MAPRE1: variants seen among roughly 807,000 people sequenced by gnomAD.
MAPRE1 encodes microtubule-associated protein RP/EB family member 1.
A neutral mutation model predicts 32.1 loss-of-function variants in MAPRE1; 5 were observed. The ratio of observed to expected loss-of-function variants is 0.16; its 90% confidence interval spans 0.08 to 0.33. The LOEUF (loss-of-function observed/expected upper bound fraction) is 0.33. Among genes scored for constraint, MAPRE1 ranks in the 10% least tolerant of loss-of-function variants. The probability of loss-of-function intolerance (pLI) is 1.00; values close to 1 mark genes in which losing one functional copy is unlikely to be tolerated. For missense variants in MAPRE1, 209 were observed against 327.2 expected (o/e 0.64, Z 2.79); for synonymous variants, 122 against 118.9 (o/e 1.03, Z -0.17).
At chr20:32,826,586 G>A (rs559981451) in intron 2 of MAPRE1, among the ~76,000 whole-genome samples, 1 of 141,000 alleles carries the variant, frequency 7.1e-6, no homozygotes, top group South Asian at 2.3e-4. Context: ...GAGTGCAGTG[G>A]TGCAGTCTTG....
chr20:32,836,605 T>G (rs775299849), intron 3 of MAPRE1, 29 bp from the exon 4 acceptor site: 5 of 1,378,760 alleles, frequency 3.6e-6, no homozygotes, highest in East Asian at 2.3e-5. Flanking sequence ...GCCTCTTTTT[T>G]GGGGCTAAAC....
intron 2 of MAPRE1, among the ~76,000 whole-genome samples, chr20:32,831,725 G>A (rs1983032369): frequency 6.6e-6 from 1 of 151,758 alleles, no homozygotes; most frequent in East Asian, 1.9e-4. Context: ...AATAGAGACG[G>A]GATTTCATCA....
At chr20:32,845,040 A>T (rs539390609) in intron 5 of MAPRE1, among the ~76,000 whole-genome samples, 18 of 150,280 alleles carry the variant, frequency 1.2e-4, no homozygotes, top group South Asian at 8.4e-4. Flanking sequence ...TGTATGAATG[A>T]ATGAATGAAT....
intron 1 of MAPRE1, among the ~76,000 whole-genome samples, chr20:32,825,456 T>G (rs1982818545): frequency 6.6e-6 from 1 of 152,158 alleles, no homozygotes; most frequent in Non-Finnish European, 1.5e-5. Flanking sequence ...GGAATCTTAG[T>G]GTCTCTCGTT....
At chr20:32,833,979 CT>C (rs1983112617) in intron 3 of MAPRE1, 117 bp downstream of exon 3, 1 of 1,029,452 alleles carries the variant, frequency 9.7e-7, no homozygotes, top group Non-Finnish European at 1.4e-6. Flanking sequence ...ATCTAGTTAA[CT>C]TTTCTCAGTT....
chr20:32,844,989 C>CTGTATGTATGTATGTATGTA (rs35343459), intron 5 of MAPRE1, among the ~76,000 whole-genome samples: 1 of 150,310 alleles, frequency 6.7e-6, no homozygotes, highest in Non-Finnish European at 1.5e-5. Flanking sequence ...AGTAGCTGTA[C>CTGTATGTATGTATGTATGTA]TGTATGTATG....
chr20:32,826,978 A>G (rs1282755317), intron 2 of MAPRE1, among the ~76,000 whole-genome samples: 1 of 152,198 alleles, frequency 6.6e-6, no homozygotes, highest in Non-Finnish European at 1.5e-5. Flanking sequence ...TGTATTAACT[A>G]CTGTCTGCTG....
intron 5 of MAPRE1, among the ~76,000 whole-genome samples, chr20:32,842,692 C>T (rs984045593): frequency 1.4e-4 from 21 of 152,188 alleles, no homozygotes; most frequent in African/African-American, 5.1e-4. Flanking sequence ...TGCTGCTAAG[C>T]GTTGATGAGA....
chr20:32,826,192 T>C, intron 2 of MAPRE1, 144 bp downstream of exon 2: 2 of 627,188 alleles, frequency 3.2e-6, no homozygotes, highest in South Asian at 3.7e-5. Context: ...CAGCCCTGCC[T>C]TTGCTTCTGC....
chr20:32,827,055 TATC>T (rs1341182552), intron 2 of MAPRE1, among the ~76,000 whole-genome samples: 4 of 152,328 alleles, frequency 2.6e-5, no homozygotes, highest in African/African-American at 9.6e-5. Flanking sequence ...GTCTAGCAAA[TATC>T]ATTTCAGCCA....
chr20:32,821,764 C>T lies in MAPRE1; in HGVS notation c.-4+1736C>T, dbSNP rs557042101. Among the ~76,000 whole-genome samples the T allele has an allele frequency of 3.3e-5, 5 of 152,288 alleles. No individual in the cohort carries two copies. In the East Asian group the frequency reaches 9.6e-4, roughly 29 times the overall value. ...GTGGTGCCTTGAAAGTAATAGAGTGCTTTAGAGCCAGCGTTGAATTTGTAT... is the reference window on the plus strand; with the variant it reads ...GTGGTGCCTTGAAAGTAATAGAGTGTTTTAGAGCCAGCGTTGAATTTGTAT... On this transcript the variant is annotated intron_variant, in intron 1 of 6. Coordinates refer to ENST00000375571, the MANE Select transcript of MAPRE1 (RefSeq NM_012325.3).
intron 2 of MAPRE1, 40 bp downstream of exon 2, chr20:32,826,088 G>A (rs774267977): frequency 2.1e-5 from 32 of 1,543,140 alleles, no homozygotes; most frequent in Non-Finnish European, 2.7e-5. Flanking sequence ...AGGAAAGCCT[G>A]TAGGTTTTTC....
intron 2 of MAPRE1, among the ~76,000 whole-genome samples, chr20:32,829,114 G>A (rs1035908547): frequency 2.0e-5 from 3 of 152,008 alleles, no homozygotes; most frequent in Non-Finnish European, 4.4e-5. Context: ...GGGTTTCACC[G>A]TGGTGGTCAG....
intron 2 of MAPRE1, among the ~76,000 whole-genome samples, chr20:32,830,653 T>C (rs939827338): frequency 2.6e-5 from 4 of 152,306 alleles, no homozygotes; most frequent in Admixed American, 1.3e-4. Flanking sequence ...CCACCTTCCC[T>C]TTTGTTATAT....
At chr20:32,827,219 G>A (rs1982878710) in intron 2 of MAPRE1, among the ~76,000 whole-genome samples, 1 of 151,582 alleles carries the variant, frequency 6.6e-6, no homozygotes, top group African/African-American at 2.4e-5. Context: ...CAGCTTGGCC[G>A]ACATGGTGAA....
intron 5 of MAPRE1, among the ~76,000 whole-genome samples, chr20:32,844,416 A>G (rs1030879799): frequency 9.8e-5 from 13 of 132,934 alleles, no homozygotes; most frequent in Admixed American, 3.1e-4. Flanking sequence ...TAGTGAAACT[A>G]GGTGGATACC....
At position 32,846,086 on chromosome 20, in the gene MAPRE1, A is replaced by T. The variant is rs187473152; in HGVS notation, c.598-532A>T. On this transcript the variant is annotated intron_variant, in intron 5 of 6. Coordinates refer to ENST00000375571, the MANE Select transcript of MAPRE1 (RefSeq NM_012325.3). Reference sequence around the variant, plus strand: ...TATAACTTTTATTGGTCTTGGCTAGATAGAGTCCTGGCCTAAGGACTGAGA... The same window carrying T: ...TATAACTTTTATTGGTCTTGGCTAGTTAGAGTCCTGGCCTAAGGACTGAGA... Among the ~76,000 whole-genome samples the T allele has an allele frequency of 8.5e-5, 13 of 152,318 alleles. No individual in the cohort carries two copies. The East Asian group carries it at 2.3e-3, about 27-fold the overall frequency.
At chr20:32,824,780 A>G (rs750013941) in intron 1 of MAPRE1, among the ~76,000 whole-genome samples, 1 of 150,454 alleles carries the variant, frequency 6.6e-6, no homozygotes, top group Non-Finnish European at 1.5e-5. Context: ...TATTACAGGC[A>G]TGTGCCAGTG....
intron 2 of MAPRE1, 104 bp downstream of exon 2, chr20:32,826,152 C>T (rs6141350): frequency 9.8e-7 from 1 of 1,025,602 alleles, no homozygotes; most frequent in Non-Finnish European, 1.4e-6. Flanking sequence ...GGTTCAGGGT[C>T]TTTGTTAGGG....
Sources: allele counts gnomAD v4.1 joint callset (sites outside exome capture counted in the v4.1 genomes callset), GRCh38; gene constraint gnomAD v4.1.1; transcripts MANE v1.5; gene names NCBI Gene and HGNC (gene_info 2026-07-23, HGNC 2026-07-21).